SFI1: variants seen among roughly 807,000 people sequenced by gnomAD.
SFI1 encodes protein SFI1 homolog.
Under a neutral mutation model 207.5 loss-of-function variants are expected in SFI1, and 195 were observed. That is an observed-to-expected ratio of 0.94 (90% CI 0.84 to 1.06). SFI1 has a LOEUF of 1.06. Among genes scored for constraint, SFI1 ranks in the 50% least tolerant of loss-of-function variants. The pLI is 0.00. For synonymous variants in SFI1, 630 were observed against 598.9 expected, an observed-to-expected ratio of 1.05 and a Z score of -0.76; for missense variants, 1,634 against 1,588.0, an observed-to-expected ratio of 1.03 and a Z score of -0.49.
At chr22:31,526,634 C>A (rs935889692) in intron 2 of SFI1, among the ~76,000 whole-genome samples, 6 of 151,398 alleles carry the variant, frequency 4.0e-5, no homozygotes, top group African/African-American at 1.2e-4. Context: ...CAGTTCACTG[C>A]AGCCTCTGCC....
At chr22:31,557,095 A>G in intron 7 of SFI1, 36 bp downstream of exon 7, 1 of 1,338,406 alleles carries the variant, frequency 7.5e-7, no homozygotes, top group Non-Finnish European at 1.0e-6. Flanking sequence ...AGTACCAGCC[A>G]TCATTTTACC....
Position 31,604,956 on chromosome 22 carries a change from C to G in SFI1, c.2054+11C>G. 2.5e-6 allele frequency: 4 copies of G among 1,587,340 alleles called. No individual in the cohort carries two copies. Among genetic ancestry groups the G allele is most frequent in the Non-Finnish European group, 3.4e-6 (4 of 1,166,756 alleles). ...CAGGCAGCTGCTGCGGTGAGTCTCC[C>G]GGGCGCCTCCCAAGCTCCAGCTGGG... On this transcript the variant is annotated intron_variant, in intron 20 of 32. Coordinates refer to ENST00000400288, the MANE Select transcript of SFI1 (RefSeq NM_001007467.3).
At chr22:31,521,865 G>A (rs2057310401) in intron 2 of SFI1, among the ~76,000 whole-genome samples, 2 of 151,772 alleles carry the variant, frequency 1.3e-5, no homozygotes, top group Admixed American at 6.6e-5. Flanking sequence ...CTAGGTTCAA[G>A]TGCTGCTTGT....
In SFI1 at chr22:31,602,721, C is replaced by T. The variant is rs371619231; in HGVS notation, c.1741C>T (p.Arg581Cys). ...GCAAACAGTGGCCTGTGCCCACCACCGCCACGGGCGGCTCAAGAAAGCTTT... is the reference window on the plus strand; with the variant it reads ...GCAAACAGTGGCCTGTGCCCACCACTGCCACGGGCGGCTCAAGAAAGCTTT... ...EWQTVACAHH[R>C]HGRLKKAFCL... The change falls in exon 17 of 33, where the codon CGC becomes TGC. Residue 581 changes from arginine to cysteine, a missense_variant. Physicochemically the swap from Arg to Cys is radical, Grantham distance 180. Transcript: ENST00000400288. The T allele has an allele frequency of 7.9e-5, 127 of 1,614,052 alleles. No individual in the cohort carries two copies. Among genetic ancestry groups the T allele is most frequent in the Non-Finnish European group, 9.7e-5 (114 of 1,180,046 alleles).
At chr22:31,601,382 C>G (rs1366346368) in intron 15 of SFI1, among the ~76,000 whole-genome samples, 3 of 152,156 alleles carry the variant, frequency 2.0e-5, no homozygotes, top group African/African-American at 7.2e-5. Flanking sequence ...CTCGGCCTCC[C>G]AAAGTGCTGG....
At chr22:31,592,400 C>T (rs2066122105) in intron 15 of SFI1, among the ~76,000 whole-genome samples, 1 of 73,082 alleles carries the variant, frequency 1.4e-5, no homozygotes. Context: ...GCTGGCCGGG[C>T]AGGGGGCTGA....
chr22:31,517,309 C>T lies in SFI1; in HGVS notation c.92+8933C>T, dbSNP rs962816233. Among the ~76,000 whole-genome samples the T allele has an allele frequency of 9.2e-5, 14 of 152,062 alleles. 1 individual carries two copies. The highest frequency in any genetic ancestry group is 3.1e-4 in the African/African-American group (13 of 41,388). Reference sequence around the variant, plus strand: ...TGTCACACTGGCTGGATTGCAGTGGCACAATCAGGGTCACTGCAGCCTCAA... The same window carrying T: ...TGTCACACTGGCTGGATTGCAGTGGTACAATCAGGGTCACTGCAGCCTCAA... On this transcript the variant is annotated intron_variant, in intron 2 of 32. Coordinates refer to ENST00000400288, the MANE Select transcript of SFI1 (RefSeq NM_001007467.3).
chr22:31,501,496 A>G (rs1377557763), intron 1 of SFI1, among the ~76,000 whole-genome samples: 2 of 152,026 alleles, frequency 1.3e-5, no homozygotes, highest in African/African-American at 4.8e-5. Flanking sequence ...GAACTGGGAA[A>G]TCAAAAAATT....
intron 2 of SFI1, among the ~76,000 whole-genome samples, chr22:31,525,783 C>G (rs939307132): frequency 3.0e-4 from 45 of 151,904 alleles, no homozygotes; most frequent in African/African-American, 1.0e-3. Flanking sequence ...AGCTTAATAA[C>G]TTGATACTCT....
At chr22:31,614,563 A>T in intron 27 of SFI1, 1 of 694,214 alleles carries the variant, frequency 1.4e-6, no homozygotes, top group Non-Finnish European at 2.6e-6. Flanking sequence ...GTTGTTCTGC[A>T]GGTCAAAAGA....
At chr22:31,567,403 A>G (rs2145666485) in intron 8 of SFI1, among the ~76,000 whole-genome samples, 1 of 152,322 alleles carries the variant, frequency 6.6e-6, no homozygotes, top group Middle Eastern at 3.4e-3. Context: ...GCCTGATAAA[A>G]AAGGCTTTGA....
intron 2 of SFI1, among the ~76,000 whole-genome samples, chr22:31,519,246 C>G (rs2147014039): frequency 6.6e-6 from 1 of 151,194 alleles, no homozygotes; most frequent in Non-Finnish European, 1.5e-5. Flanking sequence ...GCGAACTATG[C>G]ATCTATCATT....
rs773982541 is a variant in SFI1 at position 31,604,291 on chromosome 22, T to C, written c.1882-18T>C. 1 of 1,558,058 alleles carries C rather than the reference T, an allele frequency of 6.4e-7. No homozygotes were observed. The highest frequency in any genetic ancestry group is 1.2e-5 in the South Asian group (1 of 84,836). On this transcript the variant is annotated intron_variant, in intron 18 of 32. Transcript: ENST00000400288. The stretch of plus-strand genomic sequence containing the variant: ...TCAGACCCCAGCCCACGGTAGCTGC[T>C]TTCTCCTCTGTCTGCAGTGCCTGGC...
At chr22:31,536,988 G>T (rs538295327) in intron 4 of SFI1, among the ~76,000 whole-genome samples, 1 of 151,652 alleles carries the variant, frequency 6.6e-6, no homozygotes, top group Admixed American at 6.6e-5. Context: ...GCACTCAAGC[G>T]ATCCTCCCTG....
chr22:31,533,494 T>C (rs4820982), intron 4 of SFI1, among the ~76,000 whole-genome samples: 96,911 of 151,804 alleles, frequency 0.64, 31,872 homozygotes, highest in Non-Finnish European at 0.73. Context: ...CATGTGACTG[T>C]ACTCCAGCCT....
At chr22:31,534,716 A>G (rs547867367) in intron 4 of SFI1, among the ~76,000 whole-genome samples, 2 of 151,700 alleles carry the variant, frequency 1.3e-5, no homozygotes, top group African/African-American at 4.8e-5. Context: ...CTTAGTTTTC[A>G]GAAGCTTGGA....
intron 1 of SFI1, among the ~76,000 whole-genome samples, chr22:31,500,277 C>CAAAAAAAAAAAAAAAAAAAAAAA (rs150915256): frequency 2.0e-5 from 2 of 98,442 alleles, no homozygotes; most frequent in East Asian, 2.9e-4. Context: ...GACTCTGTCT[C>CAAAAAAAAAAAAAAAAAAAAAAA]AAAAAAAAAA....
rs542561546 is a variant in SFI1 at position 31,572,933 on chromosome 22, T to C, written c.766-125T>C. 1,629 of 916,672 alleles carry C rather than the reference T, an allele frequency of 1.8e-3. 7 individuals are homozygous for C. Among genetic ancestry groups the C allele is most frequent in the Non-Finnish European group, 2.6e-3 (1,533 of 599,124 alleles). 56.8% of individuals were successfully genotyped at this position (916,672 alleles called of 1,614,324 possible). Reference sequence around the variant, plus strand: ...ATAGCTTATCATCCTGCTAGGGGATTGCCACTTCCTTGTTTCTAATTTCAG... The same window carrying C: ...ATAGCTTATCATCCTGCTAGGGGATCGCCACTTCCTTGTTTCTAATTTCAG... On this transcript the variant is annotated intron_variant, in intron 8 of 32. Coordinates refer to ENST00000400288, the MANE Select transcript of SFI1 (RefSeq NM_001007467.3).
At chr22:31,577,688 A>C (rs1009492291) in intron 10 of SFI1, among the ~76,000 whole-genome samples, 6 of 152,120 alleles carry the variant, frequency 3.9e-5, no homozygotes, top group African/African-American at 1.4e-4. Context: ...CTATGATGGC[A>C]CCCTTGCCCT....
Sources: gnomAD v4.1 joint callset for allele counts (sites outside exome capture counted in the v4.1 genomes callset) on GRCh38, gnomAD v4.1.1 for gene constraint, MANE v1.5 for transcripts, NCBI Gene and HGNC (gene_info 2026-07-23, HGNC 2026-07-21) for gene names.